RABL3: variants seen among roughly 807,000 people sequenced by gnomAD.
RABL3 encodes RAB, member of RAS oncogene family like 3, also known as rab-like protein 3.
Under a neutral mutation model 31.8 loss-of-function variants are expected in RABL3, and 31 were observed. That is an observed-to-expected ratio of 0.97 (90% CI 0.73 to 1.31). The LOEUF (loss-of-function observed/expected upper bound fraction) is 1.31. RABL3 is among the 40% of genes most tolerant of loss of function. The pLI, the probability that RABL3 is intolerant of heterozygous loss-of-function variation, is 0.00. For synonymous variants in RABL3, 97 were observed against 99.9 expected (o/e 0.97, Z 0.18); for missense variants, 263 against 279.6 (o/e 0.94, Z 0.42).
intron 1 of RABL3, among the ~76,000 whole-genome samples, chr3:120,740,401 C>T (rs762947210): frequency 6.6e-6 from 1 of 152,132 alleles, no homozygotes; most frequent in Non-Finnish European, 1.5e-5. Flanking sequence ...AGCGGGACTA[C>T]AGGCGTGCAC....
In RABL3 at chr3:120,730,718, A is replaced by G; in HGVS notation, c.116T>C (p.Val39Ala). ...NQVLGNPSWT[V>A]GCSVDVRVHD... ...TACTCTGACATCCACTGAGCAGCCC[A>G]CAGTCCATGATGGATTTCCCAGCAC... The change falls in exon 2 of 8, where the codon GTG becomes GCG. Residue 39 changes from valine to alanine, a missense_variant. Val to Ala is a moderately conservative substitution (Grantham distance 64). Coordinates refer to ENST00000273375, the MANE Select transcript of RABL3 (RefSeq NM_173825.5). The G allele has an allele frequency of 6.2e-7, 1 of 1,613,524 alleles. No homozygotes were observed. The highest frequency in any genetic ancestry group is 1.1e-5 in the South Asian group (1 of 91,082).
rs147159123 is a variant in RABL3, at chr3:120,689,198, T to C, written c.*625A>G. The C allele has an allele frequency of 2.6e-5, 4 of 152,344 alleles. No homozygotes were observed. Among genetic ancestry groups the C allele is most frequent in the African/African-American group, 9.6e-5 (4 of 41,582 alleles). The allele number at this position is 152,344 out of a possible 1,614,324, so 9.4% of individuals were successfully genotyped here. On this transcript the variant is annotated 3_prime_UTR_variant, in exon 8 of 8. Transcript: ENST00000273375. ...GTTCTCTATGTATTATTAATTTGTATTTATATTTAACTCTGGCTATTAGTC... is the reference window on the plus strand; with the variant it reads ...GTTCTCTATGTATTATTAATTTGTACTTATATTTAACTCTGGCTATTAGTC...
rs549859051 is a variant in RABL3, at chr3:120,720,993, G to T, written c.138+9703C>A. ...CAGACTAACAGCTGATCTCTTGGCAGAAACTCTACAAGCCAGAACAGAGTG... is the reference window on the plus strand; with the variant it reads ...CAGACTAACAGCTGATCTCTTGGCATAAACTCTACAAGCCAGAACAGAGTG... On this transcript the variant is annotated intron_variant, in intron 2 of 7. Coordinates refer to ENST00000273375, the MANE Select transcript of RABL3 (RefSeq NM_173825.5). Among the ~76,000 whole-genome samples the T allele has an allele frequency of 4.6e-5, 7 of 152,344 alleles. No homozygotes were observed. The South Asian group carries it at 1.4e-3, about 32-fold the overall frequency.
intron 2 of RABL3, among the ~76,000 whole-genome samples, chr3:120,726,169 G>C (rs1169874583): frequency 6.6e-6 from 1 of 151,994 alleles, no homozygotes; most frequent in African/African-American, 2.4e-5. Context: ...GAGACTAGCA[G>C]TATTTCCTAT....
chr3:120,690,134 T>C (rs1708362418), intron 7 of RABL3, among the ~76,000 whole-genome samples: 1 of 152,204 alleles, frequency 6.6e-6, no homozygotes, highest in Non-Finnish European at 1.5e-5. Flanking sequence ...GTAAATCTCA[T>C]AATACCTACT....
At chr3:120,706,548 A>G (rs1165621094) in intron 3 of RABL3, among the ~76,000 whole-genome samples, 2 of 144,950 alleles carry the variant, frequency 1.4e-5, no homozygotes, top group African/African-American at 2.4e-5. Context: ...ACATACATAT[A>G]TTACTTATAC....
intron 1 of RABL3, 105 bp from the exon 2 acceptor site, chr3:120,730,892 G>C: frequency 1.3e-6 from 1 of 760,646 alleles, no homozygotes; most frequent in South Asian, 1.5e-5. Context: ...GTAAAGCATA[G>C]TTGTTAGAAT....
At chr3:120,742,670 G>A (rs1479919816), upstream of RABL3, 1 of 696,150 alleles carries the variant, frequency 1.4e-6, no homozygotes, top group African/African-American at 1.8e-5. Flanking sequence ...AAGGTAGCGG[G>A]GTGCTTCCCC....
At chr3:120,720,612 A>C (rs1369118457) in intron 2 of RABL3, among the ~76,000 whole-genome samples, 1 of 152,240 alleles carries the variant, frequency 6.6e-6, no homozygotes, top group Non-Finnish European at 1.5e-5. Flanking sequence ...GAATGAAATG[A>C]AGCGAGAAGA....
chr3:120,693,979 T>TA (rs1259670013), intron 6 of RABL3, among the ~76,000 whole-genome samples, 174 bp downstream of exon 6: 1 of 152,092 alleles, frequency 6.6e-6, no homozygotes, highest in African/African-American at 2.4e-5. Context: ...ATGGAATAAA[T>TA]ACGTCAGCAG....
chr3:120,735,582 G>T (rs1306418286), intron 1 of RABL3, among the ~76,000 whole-genome samples: 14 of 151,978 alleles, frequency 9.2e-5, no homozygotes, highest in Non-Finnish European at 1.9e-4. Flanking sequence ...CTTGCCTTCT[G>T]CTAGCTTTTG....
rs1019116669 is a variant in RABL3 at position 120,689,656 on chromosome 3, C to T, written c.*167G>A. 7.2e-6 allele frequency: 4 copies of T among 557,062 alleles called. No individual in the cohort carries two copies. Among genetic ancestry groups the T allele is most frequent in the Middle Eastern group, 2.7e-4 (1 of 3,728 alleles). The allele number at this position is 557,062 out of a possible 1,614,324, so 34.5% of individuals were successfully genotyped here. ...ACAGAGAACAGGGACAAAGTTTGGA[C>T]CTCCCGTATTGTCACTTCCTTTCAT... On this transcript the variant is annotated 3_prime_UTR_variant, in exon 8 of 8. Coordinates refer to ENST00000273375, the MANE Select transcript of RABL3 (RefSeq NM_173825.5).
chr3:120,725,806 G>C (rs1708812105), intron 2 of RABL3, among the ~76,000 whole-genome samples: 1 of 152,122 alleles, frequency 6.6e-6, no homozygotes, highest in Admixed American at 6.5e-5. Flanking sequence ...GTGGGGAGGA[G>C]GGAGCGGGGA....
chr3:120,737,207 G>A (rs982116480), intron 1 of RABL3, among the ~76,000 whole-genome samples: 3 of 152,148 alleles, frequency 2.0e-5, no homozygotes. Context: ...CATATTTCTT[G>A]GAGCCTTTGT....
intron 2 of RABL3, among the ~76,000 whole-genome samples, chr3:120,727,460 C>G (rs1052752800): frequency 6.6e-6 from 1 of 151,958 alleles, no homozygotes; most frequent in Admixed American, 6.6e-5. Context: ...TACTTAAAAA[C>G]TTCCCGCAAA....
At position 120,728,476 on chromosome 3, in the gene RABL3, T is replaced by C. The variant is rs1487152624; in HGVS notation, c.138+2220A>G. ...TTTCACAGAATCGGAGCTAGAAAAA[T>C]CCAAAGGGAAAATTTGTCCAGAACT... is the stretch of plus-strand genomic sequence containing the variant. On this transcript the variant is annotated intron_variant, in intron 2 of 7. Coordinates refer to ENST00000273375, the MANE Select transcript of RABL3 (RefSeq NM_173825.5). 2.6e-5 allele frequency among the ~76,000 whole-genome samples: 4 copies of C among 152,006 alleles called. No homozygotes were observed. In the East Asian group the frequency reaches 7.7e-4, roughly 29 times the overall value.
chr3:120,709,379 C>T (rs1559815617), intron 3 of RABL3, among the ~76,000 whole-genome samples: 1 of 151,920 alleles, frequency 6.6e-6, no homozygotes, highest in Admixed American at 6.6e-5. Flanking sequence ...TTCTAAGGGG[C>T]AGATGAAAGA....
At chr3:120,690,560 T>C (rs1708369133) in intron 6 of RABL3, 73 bp from the exon 7 acceptor site, 2 of 1,002,374 alleles carry the variant, frequency 2.0e-6, no homozygotes, top group Admixed American at 1.9e-5. Context: ...CGACCACTAA[T>C]GGTACTAAAA....
At chr3:120,696,877 G>A (rs1451189660) in intron 5 of RABL3, among the ~76,000 whole-genome samples, 1 of 152,128 alleles carries the variant, frequency 6.6e-6, no homozygotes, top group Non-Finnish European at 1.5e-5. Flanking sequence ...TGTGGCAGCT[G>A]AGAAAAATGA....
Sources: gnomAD v4.1 joint callset for allele counts (sites outside exome capture counted in the v4.1 genomes callset) on GRCh38, gnomAD v4.1.1 for gene constraint, MANE v1.5 for transcripts, NCBI Gene and HGNC (gene_info 2026-07-23, HGNC 2026-07-21) for gene names.